Variants in ERC2 observed in about 807,000 individuals in gnomAD.
ERC2 encodes the protein ELKS/RAB6-interacting/CAST family member 2.
ERC2 carries 42 observed loss-of-function variants against 114.8 expected under a neutral mutation model. The ratio of observed to expected loss-of-function variants is 0.37; its 90% CI spans 0.29 to 0.47. The LOEUF is 0.47. Ranked by LOEUF, ERC2 falls within the 20% of genes least tolerant of loss-of-function variation. The pLI is 0.99. For synonymous variants in ERC2, 454 were observed against 425.5 expected, an observed-to-expected ratio of 1.07 and a Z score of -0.82; for missense variants, 939 against 1,150.7, an observed-to-expected ratio of 0.82 and a Z score of 2.66.
At chr3:55,593,384 C>T (rs538336386) in intron 17 of ERC2, among the ~76,000 whole-genome samples, 1 of 152,020 alleles carries the variant, frequency 6.6e-6, no homozygotes, top group Non-Finnish European at 1.5e-5. Flanking sequence ...GGAGGAGGAC[C>T]CAGGATGAAA....
intron 14 of ERC2, among the ~76,000 whole-genome samples, chr3:55,872,745 T>A (rs1247901054): frequency 6.6e-6 from 1 of 152,202 alleles, no homozygotes; most frequent in Non-Finnish European, 1.5e-5. Flanking sequence ...TTTCTGAATC[T>A]ACCTGGTCTG....
chr3:55,952,174 C>CTATAT (rs1171234318), intron 12 of ERC2, among the ~76,000 whole-genome samples: 4 of 55,024 alleles, frequency 7.3e-5, no homozygotes, highest in African/African-American at 1.7e-4. Flanking sequence ...CACACACACA[C>CTATAT]ACACACTCTC....
At chr3:56,466,135 CT>C (rs2063534247) in intron 1 of ERC2, among the ~76,000 whole-genome samples, 1 of 152,232 alleles carries the variant, frequency 6.6e-6, no homozygotes, top group African/African-American at 2.4e-5. Context: ...ATATAAAGTA[CT>C]CAACAAAGTG....
chr3:56,023,810 G>GGAAGGAAGGAAGGAAGGAAGGAAGGAAT (rs1560041027), intron 7 of ERC2, among the ~76,000 whole-genome samples: 9 of 151,906 alleles, frequency 5.9e-5, no homozygotes, highest in Non-Finnish European at 1.0e-4. Flanking sequence ...AAGGAAGGAA[G>GGAAGGAAGGAAGGAAGGAAGGAAGGAAT]GAATTCTAAA....
At chr3:56,215,817 C>G (rs1041980110) in intron 3 of ERC2, among the ~76,000 whole-genome samples, 4 of 152,172 alleles carry the variant, frequency 2.6e-5, no homozygotes, top group Non-Finnish European at 5.9e-5. Flanking sequence ...TGCAATCAAA[C>G]TAGAACTCAG....
At chr3:55,939,065 A>G (rs989489336) in intron 13 of ERC2, among the ~76,000 whole-genome samples, 2 of 152,228 alleles carry the variant, frequency 1.3e-5, no homozygotes, top group African/African-American at 2.4e-5. Flanking sequence ...TGTACCTTTC[A>G]TAAACATTTT....
At chr3:56,437,557 C>A (rs1255804862) in intron 1 of ERC2, among the ~76,000 whole-genome samples, 2 of 152,182 alleles carry the variant, frequency 1.3e-5, no homozygotes, top group Admixed American at 6.5e-5. Flanking sequence ...AAAATGTTTT[C>A]TATAAAGGTT....
intron 6 of ERC2, among the ~76,000 whole-genome samples, chr3:56,118,231 G>C (rs2079360698): frequency 6.6e-6 from 1 of 152,196 alleles, no homozygotes; most frequent in South Asian, 2.1e-4. Context: ...TAGAGTAAAT[G>C]CTCAGTTAAT....
intron 14 of ERC2, among the ~76,000 whole-genome samples, chr3:55,857,285 G>A (rs1418847409): frequency 6.6e-6 from 1 of 152,152 alleles, no homozygotes; most frequent in Non-Finnish European, 1.5e-5. Context: ...TGGATAAGCT[G>A]ACAGTGAAGC....
intron 17 of ERC2, among the ~76,000 whole-genome samples, chr3:55,621,276 G>A (rs901676774): frequency 7.9e-5 from 12 of 152,156 alleles, no homozygotes; most frequent in East Asian, 3.9e-4. Context: ...CTGGTTAAAC[G>A]CCCAGCTGGG....
intron 7 of ERC2, among the ~76,000 whole-genome samples, chr3:56,078,063 G>A (rs1410268564): frequency 6.6e-6 from 1 of 152,108 alleles, no homozygotes; most frequent in Non-Finnish European, 1.5e-5. Context: ...CATGCTCCAA[G>A]ACAGGCTACT....
intron 17 of ERC2, among the ~76,000 whole-genome samples, chr3:55,624,072 A>AG (rs917571974): frequency 1.1e-4 from 16 of 152,168 alleles, no homozygotes; most frequent in African/African-American, 3.4e-4. Flanking sequence ...CTCAAGAGAG[A>AG]GGGGTTTATG....
At chr3:56,335,524 G>A (rs1395997440) in intron 2 of ERC2, among the ~76,000 whole-genome samples, 1 of 152,154 alleles carries the variant, frequency 6.6e-6, no homozygotes, top group African/African-American at 2.4e-5. Flanking sequence ...CTATACATTG[G>A]AACATTTTGC....
intron 2 of ERC2, among the ~76,000 whole-genome samples, chr3:56,357,462 C>T (rs1218174168): frequency 6.6e-6 from 1 of 152,178 alleles, no homozygotes; most frequent in African/African-American, 2.4e-5. Context: ...TCCACCTCTA[C>T]AGCCTGCATA....
chr3:56,427,582 T>C (rs1289864305), intron 2 of ERC2, among the ~76,000 whole-genome samples: 3 of 152,168 alleles, frequency 2.0e-5, no homozygotes, highest in Admixed American at 2.0e-4. Context: ...ACAGAGATCA[T>C]AAATGAAGTC....
At chr3:56,040,056 G>C (rs1451667607) in intron 7 of ERC2, among the ~76,000 whole-genome samples, 1 of 151,716 alleles carries the variant, frequency 6.6e-6, no homozygotes, top group Non-Finnish European at 1.5e-5. Flanking sequence ...GAAAACATAA[G>C]GAAAAAGCTT....
chr3:55,539,411 C>CTTTGTTTTTTTT (rs1559619170), intron 17 of ERC2, among the ~76,000 whole-genome samples: 1 of 49,090 alleles, frequency 2.0e-5, no homozygotes, highest in Non-Finnish European at 4.4e-5. Flanking sequence ...CTCTTTTTTT[C>CTTTGTTTTTTTT]TTTCTTTTTT....
intron 3 of ERC2, among the ~76,000 whole-genome samples, chr3:56,191,807 C>T (rs138096569): frequency 1.2e-3 from 187 of 152,218 alleles, no homozygotes; most frequent in African/African-American, 4.4e-3. Flanking sequence ...CCTTCTATTA[C>T]ATTCCCTTCA....
chr3:56,068,036 G>C (rs1237241322), intron 7 of ERC2, among the ~76,000 whole-genome samples: 3 of 152,148 alleles, frequency 2.0e-5, no homozygotes, highest in African/African-American at 7.2e-5. Context: ...TTTGGTATCA[G>C]GATGATGCTG....
Sources: allele counts gnomAD v4.1 joint callset (sites outside exome capture counted in the v4.1 genomes callset), GRCh38; gene constraint gnomAD v4.1.1; transcripts MANE v1.5; gene names NCBI Gene and HGNC (gene_info 2026-07-23, HGNC 2026-07-21).